The following MTF1 variants were observed in gnomAD, a reference collection of about 807,000 sequenced individuals.
MTF1 encodes the protein metal regulatory transcription factor 1.
In MTF1, 22 loss-of-function variants were observed where a neutral mutation model predicts 70.4. That is an observed-to-expected ratio of 0.31 (90% CI 0.22 to 0.45). The LOEUF (loss-of-function observed/expected upper bound fraction) is 0.45. Among genes scored for constraint, MTF1 ranks in the 20% least tolerant of loss-of-function variants. The pLI, the probability that MTF1 is intolerant of heterozygous loss-of-function variation, is 1.00. For missense variants in MTF1, 649 were observed against 922.0 expected, an observed-to-expected ratio of 0.70 and a Z score of 3.83; for synonymous variants, 333 against 352.8, an observed-to-expected ratio of 0.94 and a Z score of 0.63.
rs1032169684 is a variant in MTF1 at position 37,840,562 on chromosome 1, T to C, written c.409-404A>G. 3 of 448,494 alleles carry C rather than the reference T, an allele frequency of 6.7e-6. No homozygotes were observed. The highest frequency in any genetic ancestry group is 1.3e-5 in the Non-Finnish European group (3 of 226,124). The allele number at this position is 448,494 out of a possible 1,614,324, so 27.8% of individuals were successfully genotyped here. On this transcript the variant is annotated intron_variant, in intron 2 of 10. Transcript: ENST00000373036. The surrounding 1 kb of genome is among the most constrained non-coding windows in gnomAD (Gnocchi z 4.5). ...CTTGATTGGAATTACCAATATTAAA[T>C]TGAGTTTAAAACATCTGGAAATTTA...
chr1:37,848,607 T>G (rs1641367729), intron 2 of MTF1, among the ~76,000 whole-genome samples: 1 of 152,222 alleles, frequency 6.6e-6, no homozygotes, highest in Non-Finnish European at 1.5e-5. Flanking sequence ...GCACCAAGTT[T>G]GAAACCCAAT....
At chr1:37,829,716 T>G (rs1350313400) in intron 7 of MTF1, among the ~76,000 whole-genome samples, 2 of 149,394 alleles carry the variant, frequency 1.3e-5, no homozygotes, top group Admixed American at 1.3e-4. Context: ...ACCCAGGAGG[T>G]GGAGCTTGTA....
chr1:37,828,894 A>C (rs1473478185), intron 7 of MTF1, among the ~76,000 whole-genome samples: 3 of 152,136 alleles, frequency 2.0e-5, no homozygotes, highest in East Asian at 3.9e-4. Flanking sequence ...AAAGAAGAGG[A>C]GAATACAGGT....
chr1:37,851,446 G>A (rs1641417608), intron 2 of MTF1, among the ~76,000 whole-genome samples: 2 of 152,188 alleles, frequency 1.3e-5, no homozygotes, highest in Non-Finnish European at 2.9e-5. Flanking sequence ...AAAAGTGACA[G>A]CTTTTCACTG....
chr1:37,826,926 C>T (rs1641011329), intron 7 of MTF1, among the ~76,000 whole-genome samples: 1 of 152,164 alleles, frequency 6.6e-6, no homozygotes, highest in Admixed American at 6.5e-5. Context: ...TTGCAGCGAG[C>T]TGAGATCAAG....
Position 37,815,267 on chromosome 1 carries a change from T to G in MTF1, c.2131A>C (p.Thr711Pro). Residue 711 changes from threonine (T) to proline (P), a missense_variant, in exon 11 of 11, where the codon ACA becomes CCA. Thr to Pro is a conservative substitution (Grantham distance 38, BLOSUM62 -1). Around this residue, in one of 7 missense-constraint regions of MTF1, gnomAD observed 138 missense variants for 134.4 expected, o/e 1.03. Coordinates refer to ENST00000373036, the MANE Select transcript of MTF1 (RefSeq NM_005955.3). The surrounding 1 kb of genome is among the most constrained non-coding windows in gnomAD (Gnocchi z 4.5). ...TCTGACACATCCATGGCACTTAATG[T>G]TTCTGTCTGAGGGTCTGAAGGAGTC... The part of the protein sequence containing the change: ...AETPSDPQTE[T>P]LSAMDVSEFL... 6.2e-7 allele frequency: 1 copy of G among 1,614,038 alleles called. No individual in the cohort carries two copies. Among genetic ancestry groups the G allele is most frequent in the Non-Finnish European group, 8.5e-7 (1 of 1,180,028 alleles).
At chr1:37,832,119 G>A (rs1641095668) in intron 7 of MTF1, 126 bp downstream of exon 7, 1 of 611,048 alleles carries the variant, frequency 1.6e-6, no homozygotes, top group Non-Finnish European at 2.9e-6. Flanking sequence ...AATCCTACAT[G>A]GTCAGTAATT....
At chr1:37,850,739 G>C (rs1239789144) in intron 2 of MTF1, among the ~76,000 whole-genome samples, 1 of 152,028 alleles carries the variant, frequency 6.6e-6, no homozygotes, top group Non-Finnish European at 1.5e-5. Context: ...TTTTGCGCAA[G>C]ACAAGCATGA....
Position 37,840,171 on chromosome 1 carries a change from A to G in MTF1, c.409-13T>C, listed in dbSNP as rs781501418. 23 of 1,612,812 alleles carry G rather than the reference A, an allele frequency of 1.4e-5. No homozygotes were observed. In the East Asian group the frequency reaches 4.9e-4, roughly 34 times the overall value. On this transcript the variant is annotated splice_polypyrimidine_tract_variant and intron_variant, in intron 2 of 10. Transcript: ENST00000373036. This position sits in a 1 kb window ranked among gnomAD's most constrained non-coding sequence, Gnocchi z 4.5. Reference sequence around the variant, plus strand: ...GGTACCGCTTTACCTGGCAGAGAAAAGATACCTCATCAACAGGACAAAAAT... The same window carrying G: ...GGTACCGCTTTACCTGGCAGAGAAAGGATACCTCATCAACAGGACAAAAAT...
At chr1:37,827,657 C>T (rs1381581971) in intron 7 of MTF1, among the ~76,000 whole-genome samples, 2 of 152,152 alleles carry the variant, frequency 1.3e-5, no homozygotes, top group Non-Finnish European at 2.9e-5. Context: ...CCACCCTCCT[C>T]GGCCTCCCAA....
intron 2 of MTF1, among the ~76,000 whole-genome samples, chr1:37,851,850 AAACTT>A (rs994997874): frequency 6.0e-5 from 9 of 149,716 alleles, no homozygotes; most frequent in African/African-American, 2.2e-4. Flanking sequence ...TCTAACTACC[AAACTT>A]ATTTAAAAAA....
At chr1:37,854,113 T>C (rs1023171350) in intron 2 of MTF1, among the ~76,000 whole-genome samples, 3 of 152,196 alleles carry the variant, frequency 2.0e-5, no homozygotes, top group Admixed American at 2.0e-4. Flanking sequence ...GTTCAAGCAA[T>C]TCCCCTGCCT....
intron 9 of MTF1, 43 bp from the exon 10 acceptor site, chr1:37,817,525 T>C: frequency 7.3e-7 from 1 of 1,377,118 alleles, no homozygotes; most frequent in South Asian, 1.2e-5. Flanking sequence ...CACTGTAATA[T>C]GGCAGATCCC....
At chr1:37,822,012 T>C (rs1640917298) in intron 9 of MTF1, 109 bp downstream of exon 9, 2 of 838,000 alleles carry the variant, frequency 2.4e-6, no homozygotes, top group African/African-American at 1.7e-5. Context: ...AATTACATGT[T>C]TCACGGTGGA....
intron 4 of MTF1, among the ~76,000 whole-genome samples, chr1:37,836,047 GCCTCGGCCTC>G (rs1229757042): frequency 3.9e-5 from 6 of 152,102 alleles, no homozygotes; most frequent in African/African-American, 1.4e-4. Flanking sequence ...TGATCCGCCC[GCCTCGGCCTC>G]CCAAGTGCTG....
chr1:37,841,108 T>A (rs1390034387), intron 2 of MTF1: 1 of 166,974 alleles, frequency 6.0e-6, no homozygotes, highest in East Asian at 1.8e-4. Context: ...TGGGGTCACC[T>A]CTCGAGGATG....
At chr1:37,857,819 GA>G in intron 1 of MTF1, 110 bp from the exon 2 acceptor site, 1 of 609,960 alleles carries the variant, frequency 1.6e-6, no homozygotes, top group South Asian at 2.4e-5. Context: ...CAAAGCAAAT[GA>G]AAAACCATCC....
At chr1:37,835,619 T>A in intron 5 of MTF1, 52 bp downstream of exon 5, 1 of 1,375,702 alleles carries the variant, frequency 7.3e-7, no homozygotes, top group Non-Finnish European at 1.0e-6. Flanking sequence ...CAGGTCTCAA[T>A]GGAAAATTGA....
At chr1:37,820,221 G>T (rs4653329) in intron 9 of MTF1, among the ~76,000 whole-genome samples, 34,751 of 152,046 alleles carry the variant, frequency 0.23, 4,502 homozygotes, top group Non-Finnish European at 0.28. Context: ...AGCCCCAAAT[G>T]GCCTTTCTAG....
Sources: allele counts gnomAD v4.1 joint callset (sites outside exome capture counted in the v4.1 genomes callset), GRCh38; gene constraint gnomAD v4.1.1; regional missense constraint gnomAD v4.1.1; non-coding constraint Gnocchi (gnomAD v3.1); transcripts MANE v1.5; gene names NCBI Gene and HGNC (gene_info 2026-07-23, HGNC 2026-07-21).